Variants in FBN1 observed in about 807,000 individuals in gnomAD.
FBN1 encodes the protein fibrillin 1.
A neutral mutation model predicts 365.1 loss-of-function variants in FBN1; 29 were observed. The ratio of observed to expected loss-of-function variants is 0.08; its 90% confidence interval spans 0.06 to 0.11. The LOEUF (loss-of-function observed/expected upper bound fraction) is 0.11, where lower values mean the gene tolerates loss of function less well. Ranked by LOEUF, FBN1 falls within the 10% of genes least tolerant of loss-of-function variation. The pLI is 1.00. For synonymous variants in FBN1, 1,210 were observed against 1,270.5 expected (o/e 0.95, Z 1.01); for missense variants, 2,476 against 3,703.2 (o/e 0.67, Z 8.60).
intron 2 of FBN1, among the ~76,000 whole-genome samples, chr15:48,613,489 CAT>C (rs146214798): frequency 9.4e-5 from 14 of 149,684 alleles, no homozygotes; most frequent in East Asian, 1.9e-4. Context: ...ACTTTGAAGC[CAT>C]ATATATATAT....
At chr15:48,467,848 G>T (rs2043335203) in intron 38 of FBN1, 90 bp downstream of exon 38, 2 of 1,172,710 alleles carry the variant, frequency 1.7e-6, no homozygotes, top group Non-Finnish European at 2.6e-6. Flanking sequence ...TTTCTTCTCT[G>T]ATCTAAGAGT....
intron 6 of FBN1, among the ~76,000 whole-genome samples, chr15:48,546,098 T>C (rs2044091545): frequency 1.3e-5 from 2 of 152,192 alleles, no homozygotes; most frequent in South Asian, 4.1e-4. Flanking sequence ...AAGGCCTACA[T>C]TTTACAACTG....
At chr15:48,530,703 GAGA>G (rs2043963484) in intron 8 of FBN1, among the ~76,000 whole-genome samples, 3 of 152,136 alleles carry the variant, frequency 2.0e-5, no homozygotes, top group Non-Finnish European at 4.4e-5. Flanking sequence ...CTTAGCTCCT[GAGA>G]GGATAAGAGC....
At chr15:48,598,396 G>A (rs535847814) in intron 5 of FBN1, among the ~76,000 whole-genome samples, 5 of 152,312 alleles carry the variant, frequency 3.3e-5, no homozygotes, top group African/African-American at 7.2e-5. Context: ...CTGAAAAGAT[G>A]TAGGTTATTG....
At chr15:48,498,878 G>T in intron 18 of FBN1, 107 bp downstream of exon 18, 1 of 1,055,334 alleles carries the variant, frequency 9.5e-7, no homozygotes, top group Non-Finnish European at 1.5e-6. Context: ...TGGCCAGAGA[G>T]GGAGTCAGGC....
intron 54 of FBN1, among the ~76,000 whole-genome samples, chr15:48,434,058 T>C (rs1050462990): frequency 1.3e-5 from 2 of 152,166 alleles, no homozygotes; most frequent in Non-Finnish European, 2.9e-5. Context: ...GAGCCACTGC[T>C]CTAGACACTC....
chr15:48,460,315 C>T lies in FBN1; in HGVS notation c.5227G>A (p.Glu1743Lys). The change falls in exon 43 of 66, where the codon GAG (glutamate) becomes AAG (lysine). Residue 1743 changes from glutamate to lysine, a missense_variant and splice_region_variant. By Grantham distance (56) the Glu-to-Lys change is moderately conservative. Around this residue, in one of 5 missense-constraint regions of FBN1, gnomAD observed 1,780 missense variants for 2,840.8 expected, o/e 0.63. Transcript: ENST00000316623. ...CEQCPIPSTDEFATLCGSQRP... is the reference protein window; with the variant it reads ...CEQCPIPSTDKFATLCGSQRP... Reference sequence around the variant, plus strand: ...TGACTTCCACAGAGTGTAGCAAACTCATCTGCAATGATTAAACAAAGGTGG... The same window carrying T: ...TGACTTCCACAGAGTGTAGCAAACTTATCTGCAATGATTAAACAAAGGTGG... The T allele has an allele frequency of 6.2e-7, 1 of 1,609,404 alleles. No individual in the cohort carries two copies. The highest frequency in any genetic ancestry group is 8.5e-7 in the Non-Finnish European group (1 of 1,175,866).
rs61730055 is a variant in FBN1 at position 48,497,372 on chromosome 15, T to G, written c.2187A>C (p.Leu729=). 70 of 1,613,802 alleles carry G rather than the reference T, an allele frequency of 4.3e-5. 1 individual carries two copies. In the African/African-American group the frequency reaches 8.9e-4, roughly 21 times the overall value. The change falls in exon 19 of 66, where the codon CTA becomes CTC. Residue 729 remains leucine (L), a synonymous_variant. Coordinates refer to ENST00000316623, the MANE Select transcript of FBN1 (RefSeq NM_000138.5). ...SAGSDINECA[L]DPDICPNGIC... is the part of the protein sequence containing the mutation. ...TTCCATTTGGGCAAATATCAGGATC[T>G]AGTGCACATTCATTTATATCTGCAC... is the stretch of plus-strand genomic sequence containing the variant.
At chr15:48,437,233 C>T (rs748327655) in intron 52 of FBN1, 89 bp downstream of exon 52, 33 of 1,346,374 alleles carry the variant, frequency 2.5e-5, no homozygotes, top group Non-Finnish European at 3.3e-5. Context: ...CTTAATTTTC[C>T]AAGATAGATG....
At chr15:48,570,701 C>T (rs1007252953) in intron 6 of FBN1, among the ~76,000 whole-genome samples, 3 of 152,170 alleles carry the variant, frequency 2.0e-5, no homozygotes, top group African/African-American at 7.2e-5. Flanking sequence ...GCCCCATACT[C>T]ATTTATTTAA....
rs755375255 is a variant in FBN1, at chr15:48,485,493, A to G, written c.3593T>C (p.Ile1198Thr). The G allele has an allele frequency of 1.7e-5, 27 of 1,614,154 alleles. No individual in the cohort carries two copies. Among genetic ancestry groups the G allele is most frequent in the Non-Finnish European group, 2.3e-5 (27 of 1,180,010 alleles). Residue 1198 changes from isoleucine (I) to threonine (T), a missense_variant, in exon 30 of 66, where the codon ATT becomes ACT. Physicochemically the swap from Ile to Thr is moderately conservative, Grantham distance 89. Around this residue, in one of 5 missense-constraint regions of FBN1, gnomAD observed 1,780 missense variants for 2,840.8 expected, o/e 0.63. Coordinates refer to ENST00000316623, the MANE Select transcript of FBN1 (RefSeq NM_000138.5). ...STPDRLFCVD[I>T]DECSIMNGGC... is the part of the protein sequence containing the mutation. The stretch of plus-strand genomic sequence containing the variant: ...ACCATTCATTATGCTGCATTCATCA[A>G]TGTCTAAAAGAAATGAAAATAATAT...
intron 6 of FBN1, among the ~76,000 whole-genome samples, chr15:48,590,945 G>C (rs897551244): frequency 1.3e-5 from 2 of 152,178 alleles, no homozygotes; most frequent in South Asian, 2.1e-4. Flanking sequence ...GACTTGGGTA[G>C]GAATTTAACA....
Position 48,510,108 on chromosome 15 carries a change from A to T in FBN1, c.1650T>A (p.Asp550Glu). Residue 550 changes from aspartate to glutamate, a missense_variant, in exon 14 of 66, where the codon GAT becomes GAA. Transcript: ENST00000316623. ...ICNNGRCINT[D>E]GSFHCVCNAG... ...CATTACACACGCAATGAAAACTGCC[A>T]TCTGTGTTGATGCAGCGTCCATTAT... 1 of 1,613,490 alleles carries T rather than the reference A, an allele frequency of 6.2e-7. No individual in the cohort carries two copies.
At chr15:48,602,003 A>T (rs591519) in intron 4 of FBN1, among the ~76,000 whole-genome samples, 14,667 of 152,104 alleles carry the variant, frequency 0.096, 756 homozygotes, top group Middle Eastern at 0.16. Flanking sequence ...TCAGTCATTC[A>T]TTCACTCAAT....
intron 55 of FBN1, 76 bp from the exon 56 acceptor site, chr15:48,430,878 A>G: frequency 6.9e-7 from 1 of 1,457,394 alleles, no homozygotes; most frequent in East Asian, 2.3e-5. Flanking sequence ...TTTTAAACAT[A>G]AAATGTTAGT....
At chr15:48,514,902 G>T (rs1381429364) in intron 12 of FBN1, among the ~76,000 whole-genome samples, 2 of 152,194 alleles carry the variant, frequency 1.3e-5, no homozygotes, top group African/African-American at 4.8e-5. Flanking sequence ...TGTTTAGCTA[G>T]CAAAGGAGAA....
chr15:48,512,317 T>C (rs2043766980), intron 13 of FBN1, among the ~76,000 whole-genome samples: 1 of 152,234 alleles, frequency 6.6e-6, no homozygotes, highest in Non-Finnish European at 1.5e-5. Context: ...CCTCGCTATC[T>C]TTTACTTAAC....
chr15:48,600,274 A>T (rs531448240), intron 4 of FBN1, 40 bp from the exon 5 acceptor site: 19 of 1,435,918 alleles, frequency 1.3e-5, no homozygotes, highest in Non-Finnish European at 1.8e-5. Flanking sequence ...TGCAACTTAA[A>T]TGCATAGATT....
intron 30 of FBN1, among the ~76,000 whole-genome samples, chr15:48,484,925 G>A (rs941524547): frequency 3.3e-5 from 5 of 152,184 alleles, no homozygotes; most frequent in Admixed American, 2.0e-4. Context: ...ATCATTTGGA[G>A]AGATTGTGAA....
Sources: allele counts gnomAD v4.1 joint callset (sites outside exome capture counted in the v4.1 genomes callset), GRCh38; gene constraint gnomAD v4.1.1; regional missense constraint gnomAD v4.1.1; transcripts MANE v1.5; gene names NCBI Gene and HGNC (gene_info 2026-07-23, HGNC 2026-07-21).